SERPINB11: variants seen among roughly 807,000 people sequenced by gnomAD.
SERPINB11 encodes serpin family B member 11.
A neutral mutation model predicts 36.7 loss-of-function variants in SERPINB11; 32 were observed. The observed-to-expected ratio is 0.87, with a 90% CI of 0.66 to 1.17. The LOEUF (loss-of-function observed/expected upper bound fraction) is 1.17. Ranked by LOEUF, SERPINB11 falls within the 50% of genes most tolerant of loss-of-function variation. The pLI, the probability that SERPINB11 is intolerant of heterozygous loss-of-function variation, is 0.00. For synonymous variants in SERPINB11, 174 were observed against 168.1 expected (o/e 1.04, Z -0.27); for missense variants, 528 against 458.4 (o/e 1.15, Z -1.39).
At chr18:63,714,291 C>T (rs1252519478) in intron 4 of SERPINB11, among the ~76,000 whole-genome samples, 6 of 151,956 alleles carry the variant, frequency 3.9e-5, no homozygotes, top group African/African-American at 1.5e-4. Context: ...CTTCACAAGG[C>T]AATAAAATAT....
At chr18:63,721,867 G>A (rs921386151) in intron 7 of SERPINB11, among the ~76,000 whole-genome samples, 13 of 152,194 alleles carry the variant, frequency 8.5e-5, no homozygotes, top group Non-Finnish European at 1.2e-4. Context: ...TTACGGTTGT[G>A]GTTAAGTCAG....
chr18:63,704,973 T>C (rs1416037854), intron 1 of SERPINB11, among the ~76,000 whole-genome samples: 1 of 152,236 alleles, frequency 6.6e-6, no homozygotes, highest in East Asian at 1.9e-4. Flanking sequence ...AGCAGAAGAA[T>C]GCAACAGTTA....
chr18:63,719,956 A>G (rs1914759997), intron 5 of SERPINB11, 57 bp from the exon 6 acceptor site: 1 of 1,407,810 alleles, frequency 7.1e-7, no homozygotes, highest in Admixed American at 2.3e-5. Context: ...ATGACTCTTC[A>G]CCTCTCTATT....
intron 3 of SERPINB11, among the ~76,000 whole-genome samples, chr18:63,712,091 C>A (rs1296537432): frequency 6.6e-6 from 1 of 151,998 alleles, no homozygotes; most frequent in Non-Finnish European, 1.5e-5. Flanking sequence ...TGCAGCTTAG[C>A]AGAATTGCTA....
chr18:63,711,493 T>A, intron 3 of SERPINB11, 99 bp downstream of exon 3: 1 of 877,526 alleles, frequency 1.1e-6, no homozygotes, highest in Non-Finnish European at 1.9e-6. Flanking sequence ...CTTTTGCCCA[T>A]GAGGGAACCA....
chr18:63,703,956 C>T (rs1160227820), intron 1 of SERPINB11, among the ~76,000 whole-genome samples: 1 of 71,126 alleles, frequency 1.4e-5, no homozygotes, highest in Admixed American at 1.8e-4. Flanking sequence ...GATGACACAA[C>T]TCATTTGCTT....
At chr18:63,702,365 G>A (rs1463219298), upstream of SERPINB11, 1 of 152,264 alleles carries the variant, frequency 6.6e-6, no homozygotes, top group Non-Finnish European at 1.5e-5. Flanking sequence ...GGCTGAGGCA[G>A]GTGGATCACG....
At position 63,723,435 on chromosome 18, in the gene SERPINB11, G is replaced by A. The variant is rs775224318; in HGVS notation, c.*36G>A. ...TTGAGCAAGGCTCAGAGTTGCAGAT[G>A]AGGTGCAGAGACAATCCTGTGACTT... is the stretch of plus-strand genomic sequence containing the variant. On this transcript the variant is annotated 3_prime_UTR_variant, in exon 8 of 8. Coordinates refer to ENST00000544088, the MANE Select transcript of SERPINB11 (RefSeq NM_001370475.1). 8.4e-6 allele frequency: 13 copies of A among 1,542,926 alleles called. No homozygotes were observed. The highest frequency in any genetic ancestry group is 2.3e-5 in the East Asian group (1 of 44,166).
At position 63,720,451 on chromosome 18, in the gene SERPINB11, C is replaced by A. The variant is rs149150659; in HGVS notation, c.618+296C>A. On this transcript the variant is annotated intron_variant, in intron 6 of 7. Coordinates refer to ENST00000544088, the MANE Select transcript of SERPINB11 (RefSeq NM_001370475.1). The stretch of plus-strand genomic sequence containing the variant: ...CCATATATACTGTGGTTATGTTCTC[C>A]AGCAGCACACTAAGGCTATCTGTGT... 3.0e-3 allele frequency: 1,095 copies of A among 367,216 alleles called. 5 individuals are homozygous for A. The highest frequency in any genetic ancestry group is 0.016 in the East Asian group (245 of 15,448). 22.7% of individuals were successfully genotyped at this position (367,216 alleles called of 1,614,324 possible).
At chr18:63,721,119 C>T (rs1482139329) in intron 7 of SERPINB11, 133 bp downstream of exon 7, 1 of 885,242 alleles carries the variant, frequency 1.1e-6, no homozygotes, top group Non-Finnish European at 1.7e-6. Context: ...TAGGATTGTC[C>T]CGGGGGTGTG....
At chr18:63,714,628 T>C (rs541272696) in intron 4 of SERPINB11, among the ~76,000 whole-genome samples, 7 of 130,270 alleles carry the variant, frequency 5.4e-5, no homozygotes, top group African/African-American at 9.6e-5. Context: ...ATTTCTCCTA[T>C]TTGTTTTTGA....
rs553748883 is a variant in SERPINB11 at position 63,713,245 on chromosome 18, T to C, written c.357+552T>C. The stretch of plus-strand genomic sequence containing the variant: ...TTGAGTATTTACTCTGTGCCAGTCA[T>C]TCTGCTTAGCTCATTACAAGCATTA... On this transcript the variant is annotated intron_variant, in intron 4 of 7. Transcript: ENST00000544088. Among the ~76,000 whole-genome samples the C allele has an allele frequency of 3.9e-5, 6 of 152,328 alleles. No individual in the cohort carries two copies. The East Asian group carries it at 9.6e-4, about 24-fold the overall frequency.
intron 1 of SERPINB11, among the ~76,000 whole-genome samples, 189 bp downstream of exon 1, chr18:63,703,195 G>A (rs1914283748): frequency 6.6e-6 from 1 of 152,184 alleles, no homozygotes; most frequent in African/African-American, 2.4e-5. Context: ...GGATGCCATT[G>A]ATAGTGTGCA....
At chr18:63,702,687 T>A (rs1440909402), upstream of SERPINB11, among the ~76,000 whole-genome samples, 3 of 152,158 alleles carry the variant, frequency 2.0e-5, no homozygotes, top group Non-Finnish European at 2.9e-5. Context: ...TTTTAATTTT[T>A]AAAATAGAGA....
chr18:63,718,400 T>C (rs1158927106), intron 5 of SERPINB11, among the ~76,000 whole-genome samples: 2 of 152,164 alleles, frequency 1.3e-5, no homozygotes, highest in Non-Finnish European at 2.9e-5. Flanking sequence ...TTATTCAAAT[T>C]CTAATCCATG....
At chr18:63,704,683 A>G (rs993184589) in intron 1 of SERPINB11, among the ~76,000 whole-genome samples, 2 of 152,222 alleles carry the variant, frequency 1.3e-5, no homozygotes, top group African/African-American at 4.8e-5. Context: ...TCTTGGTACT[A>G]TGAGTTCAAT....
At chr18:63,716,856 T>C (rs988845802) in intron 5 of SERPINB11, among the ~76,000 whole-genome samples, 15 of 152,028 alleles carry the variant, frequency 9.9e-5, no homozygotes, top group African/African-American at 3.4e-4. Flanking sequence ...AGTTAATACA[T>C]CCCTTAAATC....
rs1408924249 is a variant in SERPINB11 at position 63,705,552 on chromosome 18, CT to C, written c.-16+2548del. On this transcript the variant is annotated intron_variant, in intron 1 of 7. Transcript: ENST00000544088. ...GAATGGCCTTCTAATCCAGTCATGG[CT>C]TATGCCAAGAACCAGAGCATGTGAT... 4 of 152,314 alleles carry C rather than the reference CT, an allele frequency of 2.6e-5. No individual in the cohort carries two copies. The East Asian group carries it at 5.8e-4, about 22-fold the overall frequency. The allele number at this position is 152,314 out of a possible 1,614,324, so 9.4% of individuals were successfully genotyped here.
chr18:63,702,353 G>C (rs1256787933), upstream of SERPINB11: 3 of 152,256 alleles, frequency 2.0e-5, no homozygotes, highest in African/African-American at 7.2e-5. Context: ...AGCACTTTAG[G>C]AGGCTGAGGC....
Sources: allele counts gnomAD v4.1 joint callset (sites outside exome capture counted in the v4.1 genomes callset), GRCh38; gene constraint gnomAD v4.1.1; transcripts MANE v1.5; gene names NCBI Gene and HGNC (gene_info 2026-07-23, HGNC 2026-07-21).